PTPRZ1: variants seen among roughly 807,000 people sequenced by gnomAD.
PTPRZ1 encodes protein tyrosine phosphatase receptor type Z1.
PTPRZ1 carries 82 observed loss-of-function variants against 214.1 expected under a neutral mutation model. The observed-to-expected ratio is 0.38, with a 90% confidence interval of 0.32 to 0.46. The LOEUF is 0.46. PTPRZ1 is among the 20% of genes least tolerant of loss of function. PTPRZ1 has a pLI of 1.00. For missense variants in PTPRZ1, 2,603 were observed against 2,748.7 expected (o/e 0.95, Z 1.19); for synonymous variants, 945 against 987.9 (o/e 0.96, Z 0.81).
At chr7:122,008,984 A>T (rs1798568260) in intron 11 of PTPRZ1, among the ~76,000 whole-genome samples, 1 of 152,026 alleles carries the variant, frequency 6.6e-6, no homozygotes, top group Admixed American at 6.6e-5. Context: ...ATTTGGGAAA[A>T]TCTCTCAGGT....
At chr7:121,909,006 C>A in intron 1 of PTPRZ1, 1 of 512,024 alleles carries the variant, frequency 2.0e-6, no homozygotes, top group Admixed American at 2.0e-5. Flanking sequence ...TCTGATTATT[C>A]GATGTATTAG....
chr7:121,906,468 G>A (rs1050025695), intron 1 of PTPRZ1, among the ~76,000 whole-genome samples: 4 of 152,088 alleles, frequency 2.6e-5, no homozygotes, highest in Admixed American at 6.6e-5. Flanking sequence ...TATAAATTTT[G>A]TTTGATTGTA....
Position 122,010,472 on chromosome 7 carries a change from G to A in PTPRZ1, c.1426G>A (p.Glu476Lys). ...HYNRIGTKYN[E>K]AKTNRSPTRG... ...CAATCGCATAGGGACGAAATACAAT[G>A]AAGCCAAGACTAACCGATCCCCAAC... The change falls in exon 12 of 30, where the codon GAA becomes AAA. Residue 476 changes from glutamate to lysine, a missense_variant. This residue lies in a region of PTPRZ1 where 1,913 missense variants were observed against 1,914.3 expected (regional missense o/e 1.00). Transcript: ENST00000393386. The A allele has an allele frequency of 6.2e-7, 1 of 1,614,056 alleles. No individual in the cohort carries two copies.
intron 4 of PTPRZ1, among the ~76,000 whole-genome samples, chr7:121,973,340 C>T (rs1469734516): frequency 1.3e-5 from 2 of 151,986 alleles, no homozygotes; most frequent in Non-Finnish European, 2.9e-5. Flanking sequence ...ATAAAAGGCT[C>T]ATGATAAGGT....
At chr7:122,039,647 G>A in intron 20 of PTPRZ1, 59 bp downstream of exon 20, 1 of 1,573,744 alleles carries the variant, frequency 6.4e-7, no homozygotes, top group Non-Finnish European at 8.6e-7. Flanking sequence ...CATTTTTTAA[G>A]TGAATAAGCG....
intron 1 of PTPRZ1, among the ~76,000 whole-genome samples, chr7:121,896,997 A>G (rs1197696704): frequency 6.6e-6 from 1 of 152,038 alleles, no homozygotes; most frequent in African/African-American, 2.4e-5. Flanking sequence ...CAGTGGGTGT[A>G]TTTGATAATG....
Position 121,891,451 on chromosome 7 carries a change from CTTTTTTTTTTTTT to C in PTPRZ1, c.58+17912_58+17924del, listed in dbSNP as rs58135453. On this transcript the variant is annotated intron_variant, in intron 1 of 29. Coordinates refer to ENST00000393386, the MANE Select transcript of PTPRZ1 (RefSeq NM_002851.3). ...AAATATTTGTTGAATAAAACAACCTCTTTTTTTTTTTTTTTTTTTTTTTTTTTTTTAGTTTGAT... is the reference window on the plus strand; with the variant it reads ...AAATATTTGTTGAATAAAACAACCTCTTTTTTTTTTTTTTTTTAGTTTGAT... Among the ~76,000 whole-genome samples, 56 of 35,756 alleles carry C rather than the reference CTTTTTTTTTTTTT, an allele frequency of 1.6e-3. No homozygotes were observed. The East Asian group carries it at 0.043, about 27-fold the overall frequency. The allele number at this position is 35,756 out of a possible 152,430, so 23.5% of individuals were successfully genotyped here.
chr7:121,981,046 G>T (rs1281338183), intron 6 of PTPRZ1, among the ~76,000 whole-genome samples: 3 of 151,990 alleles, frequency 2.0e-5, no homozygotes, highest in Non-Finnish European at 4.4e-5. Flanking sequence ...GGAGGCTGAG[G>T]CAGGAGAATG....
intron 2 of PTPRZ1, among the ~76,000 whole-genome samples, chr7:121,965,879 G>C (rs1216367631): frequency 6.6e-6 from 1 of 152,126 alleles, no homozygotes; most frequent in East Asian, 1.9e-4. Context: ...CAATATCCTA[G>C]GCATTTTGTT....
chr7:121,956,736 A>G (rs1172814667), intron 2 of PTPRZ1, among the ~76,000 whole-genome samples: 1 of 152,228 alleles, frequency 6.6e-6, no homozygotes, highest in Non-Finnish European at 1.5e-5. Flanking sequence ...AGAAGAAAAC[A>G]TAAGAACTAA....
intron 2 of PTPRZ1, among the ~76,000 whole-genome samples, chr7:121,958,000 T>C (rs1431784218): frequency 6.6e-6 from 1 of 152,192 alleles, no homozygotes; most frequent in African/African-American, 2.4e-5. Flanking sequence ...AACTTCAAAC[T>C]CTTTCTTTTA....
At chr7:121,977,067 T>A (rs1223371907) in intron 6 of PTPRZ1, among the ~76,000 whole-genome samples, 1 of 152,188 alleles carries the variant, frequency 6.6e-6, no homozygotes, top group Admixed American at 6.5e-5. Flanking sequence ...GCATGAAACA[T>A]TAATGTAAGT....
intron 13 of PTPRZ1, among the ~76,000 whole-genome samples, chr7:122,025,418 C>T (rs1799182053): frequency 6.6e-6 from 1 of 151,468 alleles, no homozygotes; most frequent in African/African-American, 2.4e-5. Flanking sequence ...CAACCTCCAC[C>T]TCCCTGGTTC....
intron 3 of PTPRZ1, among the ~76,000 whole-genome samples, chr7:121,969,700 A>G (rs941334011): frequency 1.3e-5 from 2 of 151,932 alleles, no homozygotes; most frequent in Non-Finnish European, 2.9e-5. Flanking sequence ...CTAAAAGTAT[A>G]TTGTCCCAAA....
At chr7:122,027,903 T>G (rs1484622101) in intron 13 of PTPRZ1, among the ~76,000 whole-genome samples, 1 of 152,194 alleles carries the variant, frequency 6.6e-6, no homozygotes, top group Non-Finnish European at 1.5e-5. Flanking sequence ...TTTTTGGTTG[T>G]ATGCTCATTA....
intron 8 of PTPRZ1, among the ~76,000 whole-genome samples, chr7:121,995,430 T>C (rs1014008183): frequency 1.3e-5 from 2 of 152,222 alleles, no homozygotes; most frequent in African/African-American, 4.8e-5. Context: ...TCTGCTTCGT[T>C]AGTAAAATAT....
intron 2 of PTPRZ1, among the ~76,000 whole-genome samples, chr7:121,947,233 A>G (rs920010459): frequency 6.6e-6 from 1 of 150,798 alleles, no homozygotes; most frequent in African/African-American, 2.5e-5. Flanking sequence ...CTGTACTTGA[A>G]CCTTTTCTCT....
At chr7:121,977,653 A>C (rs1797482547) in intron 6 of PTPRZ1, among the ~76,000 whole-genome samples, 1 of 152,058 alleles carries the variant, frequency 6.6e-6, no homozygotes, top group Non-Finnish European at 1.5e-5. Flanking sequence ...TGAGGATCTG[A>C]ATTGACCCAA....
At chr7:121,981,291 A>G (rs561020881) in intron 6 of PTPRZ1, among the ~76,000 whole-genome samples, 36 of 152,308 alleles carry the variant, frequency 2.4e-4, no homozygotes, top group African/African-American at 7.5e-4. Context: ...ACCACTAGAG[A>G]TCTTAATGCA....
Sources: gnomAD v4.1 joint callset for allele counts (sites outside exome capture counted in the v4.1 genomes callset) on GRCh38, gnomAD v4.1.1 for gene constraint, gnomAD v4.1.1 regional missense constraint, MANE v1.5 for transcripts, NCBI Gene and HGNC (gene_info 2026-07-23, HGNC 2026-07-21) for gene names.